The following ADGRL3 variants were observed in gnomAD, a reference collection of about 807,000 sequenced individuals.
The protein encoded by ADGRL3 is calcium-independent alpha-latrotoxin receptor 3.
A neutral mutation model predicts 153.5 loss-of-function variants in ADGRL3; 62 were observed. The ratio of observed to expected loss-of-function variants is 0.40; its 90% CI spans 0.33 to 0.50. The LOEUF (loss-of-function observed/expected upper bound fraction) is 0.50, where lower values mean the gene tolerates loss of function less well. Ranked by LOEUF, ADGRL3 falls within the 20% of genes least tolerant of loss-of-function variation. The pLI is 0.47. For synonymous variants in ADGRL3, 710 were observed against 672.5 expected (o/e 1.06, Z -0.86); for missense variants, 1,641 against 1,859.4 (o/e 0.88, Z 2.16).
At chr4:61,268,709 A>G (rs1045952827) in intron 1 of ADGRL3, among the ~76,000 whole-genome samples, 4 of 151,620 alleles carry the variant, frequency 2.6e-5, no homozygotes, top group African/African-American at 9.7e-5. Flanking sequence ...ATTTGGAAAA[A>G]TACATTATAT....
At chr4:61,247,854 A>C (rs768349954) in intron 1 of ADGRL3, among the ~76,000 whole-genome samples, 1 of 152,132 alleles carries the variant, frequency 6.6e-6, no homozygotes, top group Non-Finnish European at 1.5e-5. Context: ...GTCAAGAATG[A>C]TACCATAACG....
At chr4:61,216,060 G>A (rs1323241294) in intron 1 of ADGRL3, among the ~76,000 whole-genome samples, 1 of 151,976 alleles carries the variant, frequency 6.6e-6, no homozygotes, top group Admixed American at 6.6e-5. Flanking sequence ...GCTTCTGCTT[G>A]CAAGTTGAGC....
At chr4:61,499,244 A>AATTCACTATAT (rs2098356405) in intron 3 of ADGRL3, among the ~76,000 whole-genome samples, 1 of 152,208 alleles carries the variant, frequency 6.6e-6, no homozygotes, top group African/African-American at 2.4e-5. Context: ...TAGTTCTAAC[A>AATTCACTATAT]ATTCACTATA....
intron 3 of ADGRL3, among the ~76,000 whole-genome samples, chr4:61,502,199 G>A (rs2098393623): frequency 6.6e-6 from 1 of 152,120 alleles, no homozygotes; most frequent in African/African-American, 2.4e-5. Flanking sequence ...AAACATCAAG[G>A]TCCAATGTGG....
intron 1 of ADGRL3, among the ~76,000 whole-genome samples, chr4:61,272,198 A>G (rs1262296502): frequency 6.6e-6 from 1 of 152,004 alleles, no homozygotes; most frequent in South Asian, 2.1e-4. Flanking sequence ...AGTGCTCTGT[A>G]GTGCTTCTAC....
At chr4:61,786,707 G>A (rs2097280601) in intron 8 of ADGRL3, among the ~76,000 whole-genome samples, 1 of 152,138 alleles carries the variant, frequency 6.6e-6, no homozygotes, top group African/African-American at 2.4e-5. Context: ...CCCCATAGAT[G>A]AGCTTATAAA....
chr4:61,689,709 T>G (rs193047466), intron 6 of ADGRL3, among the ~76,000 whole-genome samples: 4 of 152,304 alleles, frequency 2.6e-5, no homozygotes, highest in African/African-American at 9.6e-5. Flanking sequence ...CAGAGAAATT[T>G]CAGTATTCAA....
intron 1 of ADGRL3, among the ~76,000 whole-genome samples, chr4:61,223,758 G>A (rs960528286): frequency 6.6e-6 from 1 of 152,124 alleles, no homozygotes; most frequent in Non-Finnish European, 1.5e-5. Context: ...CCTATGCCTT[G>A]TGAAACACAA....
chr4:62,031,479 T>C lies in ADGRL3; in HGVS notation c.3460T>C (p.Leu1154=), dbSNP rs184797234. 3.5e-5 allele frequency: 56 copies of C among 1,610,800 alleles called. No individual in the cohort carries two copies. In the Admixed American group the frequency reaches 9.4e-4, roughly 27 times the overall value. The part of the protein sequence containing the change: ...VIGAIALLCL[L]GLTWAFGLMY... ...AGGTGCAATAGCTCTTCTCTGCCTA[T>C]TAGGATTGACCTGGGCCTTTGGACT... The change falls in exon 23 of 27, where the codon TTA becomes CTA. Residue 1154 remains leucine, a synonymous_variant. Transcript: ENST00000683033.
At chr4:61,493,484 T>C (rs1396971335) in intron 2 of ADGRL3, among the ~76,000 whole-genome samples, 1 of 152,206 alleles carries the variant, frequency 6.6e-6, no homozygotes, top group Non-Finnish European at 1.5e-5. Context: ...TGTTTCAACA[T>C]TGTAAAATAT....
chr4:61,674,163 TAGATAGATAGA>T (rs1179908592), intron 5 of ADGRL3, among the ~76,000 whole-genome samples: 2 of 149,380 alleles, frequency 1.3e-5, no homozygotes, highest in African/African-American at 2.4e-5. Flanking sequence ...GATAGATAGA[TAGATAGATAGA>T]TAGATAGATA....
In ADGRL3 at chr4:61,906,671, A is replaced by C. The variant is rs548595086; in HGVS notation, c.1888-2889A>C. Among the ~76,000 whole-genome samples the C allele has an allele frequency of 3.9e-5, 6 of 152,184 alleles. No homozygotes were observed. In the East Asian group the frequency reaches 1.2e-3, roughly 29 times the overall value. On this transcript the variant is annotated intron_variant, in intron 11 of 26. Transcript: ENST00000683033. The stretch of plus-strand genomic sequence containing the variant: ...CTACCAATAGTAGTTTATGGAGGTG[A>C]TATTCATTGAAACAAACCCTTGACA...
At chr4:61,255,755 C>T (rs2091898125) in intron 1 of ADGRL3, among the ~76,000 whole-genome samples, 1 of 152,112 alleles carries the variant, frequency 6.6e-6, no homozygotes, top group Non-Finnish European at 1.5e-5. Context: ...TAACCACTAT[C>T]CTGTCTGCCT....
At chr4:61,713,159 A>G (rs913604636) in intron 6 of ADGRL3, among the ~76,000 whole-genome samples, 1 of 152,160 alleles carries the variant, frequency 6.6e-6, no homozygotes, top group Non-Finnish European at 1.5e-5. Flanking sequence ...TTTAACAGTA[A>G]TAAACATATC....
intron 4 of ADGRL3, among the ~76,000 whole-genome samples, chr4:61,571,924 TA>T (rs1030743001): frequency 6.6e-6 from 1 of 152,188 alleles, no homozygotes; most frequent in Non-Finnish European, 1.5e-5. Flanking sequence ...TCCCAGAGAA[TA>T]AAGCCTCTTT....
intron 1 of ADGRL3, among the ~76,000 whole-genome samples, chr4:61,280,399 G>T (rs1379481262): frequency 3.1e-5 from 4 of 128,214 alleles, no homozygotes; most frequent in South Asian, 5.9e-4. Flanking sequence ...GAGCCACTGC[G>T]CCTGGCCTTT....
chr4:61,550,886 C>T (rs1467451756), intron 4 of ADGRL3, among the ~76,000 whole-genome samples: 1 of 152,004 alleles, frequency 6.6e-6, no homozygotes, highest in Non-Finnish European at 1.5e-5. Context: ...AGTAATTACC[C>T]TGTTTAATAA....
At chr4:61,933,419 C>T (rs1350555228) in intron 13 of ADGRL3, among the ~76,000 whole-genome samples, 1 of 151,988 alleles carries the variant, frequency 6.6e-6, no homozygotes, top group Non-Finnish European at 1.5e-5. Flanking sequence ...CTAGGTCACG[C>T]TTTACACCAA....
chr4:61,785,512 G>C (rs891932650), intron 8 of ADGRL3, among the ~76,000 whole-genome samples: 1 of 152,174 alleles, frequency 6.6e-6, no homozygotes, highest in Non-Finnish European at 1.5e-5. Flanking sequence ...ATTGGAACCT[G>C]AGTAAATCCA....
Sources: allele counts gnomAD v4.1 joint callset (sites outside exome capture counted in the v4.1 genomes callset), GRCh38; gene constraint gnomAD v4.1.1; transcripts MANE v1.5; gene names NCBI Gene and HGNC (gene_info 2026-07-23, HGNC 2026-07-21).